The following HTR1E variants were observed in gnomAD, a reference collection of about 807,000 sequenced individuals.
HTR1E encodes the protein 5-HT-1E.
HTR1E carries 3 observed loss-of-function variants against 3.4 expected under a neutral mutation model. That is an observed-to-expected ratio of 0.89 (90% CI 0.41 to 2.31). The LOEUF is 2.31. Ranked by LOEUF, HTR1E falls within the 30% of genes most tolerant of loss-of-function variation. The pLI, the probability that HTR1E is intolerant of heterozygous loss-of-function variation, is 0.05. For synonymous variants in HTR1E, 170 were observed against 182.8 expected (o/e 0.93, Z 0.56); for missense variants, 392 against 467.0 (o/e 0.84, Z 1.48).
At chr6:86,950,769 G>C (rs1767227028) in intron 1 of HTR1E, among the ~76,000 whole-genome samples, 1 of 152,112 alleles carries the variant, frequency 6.6e-6, no homozygotes, top group Non-Finnish European at 1.5e-5. Flanking sequence ...GTCATTAGAT[G>C]AGTAAATTGG....
chr6:87,016,677 A>G lies in HTR1E; in HGVS notation c.*245A>G, dbSNP rs1768332139. On this transcript the variant is annotated 3_prime_UTR_variant, in exon 2 of 2. Transcript: ENST00000305344. ...TTCAAATAAACATTATCATACAAAA[A>G]CAGAAATTTTGTAGAAGTAATAATA... 1.1e-5 allele frequency: 4 copies of G among 353,136 alleles called. No homozygotes were observed. The Admixed American group carries it at 1.8e-4, about 16-fold the overall frequency. 21.9% of individuals were successfully genotyped at this position (353,136 alleles called of 1,614,324 possible). A position where few individuals can be genotyped will look rare whatever the true frequency, so the allele number is the denominator to read the frequency against.
intron 1 of HTR1E, among the ~76,000 whole-genome samples, chr6:87,014,250 A>G (rs1466723469): frequency 7.4e-6 from 1 of 135,776 alleles, no homozygotes; most frequent in Non-Finnish European, 1.6e-5. Flanking sequence ...CCTAGAACTT[A>G]AAGTATAATA....
intron 1 of HTR1E, among the ~76,000 whole-genome samples, chr6:87,010,103 T>G (rs1182600272): frequency 2.6e-5 from 3 of 113,982 alleles, no homozygotes; most frequent in South Asian, 3.2e-4. Flanking sequence ...CTGGCCGGGC[T>G]GAGGGGCTCC....
At chr6:87,009,861 G>A (rs1427813194) in intron 1 of HTR1E, among the ~76,000 whole-genome samples, 8 of 123,440 alleles carry the variant, frequency 6.5e-5, no homozygotes, top group African/African-American at 2.2e-4. Flanking sequence ...CCTCCCGGAC[G>A]GGGCGGCTGG....
chr6:86,959,596 G>T (rs943058332), intron 1 of HTR1E, among the ~76,000 whole-genome samples: 1 of 152,154 alleles, frequency 6.6e-6, no homozygotes, highest in African/African-American at 2.4e-5. Flanking sequence ...TGCCTAGCCA[G>T]GTTGAAACAC....
At chr6:86,938,205 T>C (rs1338397002) in intron 1 of HTR1E, among the ~76,000 whole-genome samples, 1 of 152,002 alleles carries the variant, frequency 6.6e-6, no homozygotes, top group Non-Finnish European at 1.5e-5. Flanking sequence ...AGGGAGGTGG[T>C]GTGCTCCAGG....
chr6:86,987,703 C>T (rs1249533883), intron 1 of HTR1E, among the ~76,000 whole-genome samples: 2 of 152,100 alleles, frequency 1.3e-5, no homozygotes, highest in Non-Finnish European at 2.9e-5. Flanking sequence ...AATTTATTTT[C>T]TCATAGTTCT....
chr6:86,967,155 T>G (rs1429362882), intron 1 of HTR1E, among the ~76,000 whole-genome samples: 4 of 152,178 alleles, frequency 2.6e-5, no homozygotes, highest in Non-Finnish European at 5.9e-5. Flanking sequence ...TTATTCCTTT[T>G]GATGCCCTTC....
chr6:86,986,104 T>C (rs1184626070), intron 1 of HTR1E, among the ~76,000 whole-genome samples: 1 of 152,214 alleles, frequency 6.6e-6, no homozygotes, highest in Non-Finnish European at 1.5e-5. Context: ...TCATTATCTA[T>C]TCTGTCAGTC....
At chr6:86,992,430 T>C (rs1457472423) in intron 1 of HTR1E, among the ~76,000 whole-genome samples, 2 of 152,224 alleles carry the variant, frequency 1.3e-5, no homozygotes, top group Non-Finnish European at 2.9e-5. Flanking sequence ...TCAAGCCTAC[T>C]ATGAATGTTT....
intron 1 of HTR1E, among the ~76,000 whole-genome samples, chr6:86,974,364 A>G (rs2094262): frequency 0.99 from 150,928 of 152,316 alleles, 74,802 homozygotes; most frequent in Middle Eastern, 1. Context: ...ATAGCAAAAG[A>G]ATCCTGTTCA....
chr6:87,011,288 C>T (rs187577354), intron 1 of HTR1E, among the ~76,000 whole-genome samples: 5 of 152,238 alleles, frequency 3.3e-5, no homozygotes, highest in Non-Finnish European at 7.4e-5. Flanking sequence ...AATGACTTAT[C>T]AAAGGGAAGT....
At chr6:87,008,684 A>G (rs1212913230) in intron 1 of HTR1E, among the ~76,000 whole-genome samples, 3 of 152,236 alleles carry the variant, frequency 2.0e-5, no homozygotes, top group Non-Finnish European at 4.4e-5. Flanking sequence ...CACTAATTTT[A>G]GAGTATAAAA....
chr6:86,971,836 G>C (rs945567123), intron 1 of HTR1E, among the ~76,000 whole-genome samples: 3 of 152,138 alleles, frequency 2.0e-5, no homozygotes, highest in African/African-American at 7.2e-5. Context: ...GGAATCCCCA[G>C]TGTCTATTAC....
chr6:87,002,524 T>A (rs960967623), intron 1 of HTR1E, among the ~76,000 whole-genome samples: 4 of 152,216 alleles, frequency 2.6e-5, no homozygotes, highest in African/African-American at 9.7e-5. Flanking sequence ...TTGGTCCATT[T>A]TACAGGGTGC....
intron 1 of HTR1E, among the ~76,000 whole-genome samples, chr6:87,004,940 C>T (rs1045937219): frequency 2.0e-5 from 3 of 151,966 alleles, no homozygotes; most frequent in Admixed American, 6.6e-5. Flanking sequence ...TTCTATATGC[C>T]ATCAGTGAAC....
chr6:87,001,035 TTTGC>T (rs1768016272), intron 1 of HTR1E, among the ~76,000 whole-genome samples: 1 of 152,212 alleles, frequency 6.6e-6, no homozygotes, highest in Admixed American at 6.5e-5. Context: ...TAGTTTTCTC[TTTGC>T]TTATTAGTTT....
Position 87,016,355 on chromosome 6 carries a change from C to A in HTR1E, c.1021C>A (p.Pro341Thr). 2.5e-6 allele frequency: 4 copies of A among 1,614,094 alleles called. No individual in the cohort carries two copies. Among genetic ancestry groups the A allele is most frequent in the Non-Finnish European group, 3.4e-6 (4 of 1,180,004 alleles). ...WLGYVNSLIN[P>T]LLYTSFNEDF... ...CGGTTATGTGAATTCTCTGATCAAC[C>A]CTCTGCTCTATACGAGTTTTAATGA... The change falls in exon 2 of 2, where the codon CCT (proline) becomes ACT (threonine). Residue 341 changes from proline (P) to threonine (T), a missense_variant. Physicochemically the swap from Pro to Thr is conservative, Grantham distance 38. Transcript: ENST00000305344.
intron 1 of HTR1E, among the ~76,000 whole-genome samples, chr6:87,008,338 T>C (rs967804791): frequency 1.3e-5 from 2 of 152,018 alleles, no homozygotes; most frequent in African/African-American, 4.8e-5. Flanking sequence ...GAAAGTAAAT[T>C]TAACAAACAG....
Sources: gnomAD v4.1 joint callset for allele counts (sites outside exome capture counted in the v4.1 genomes callset) on GRCh38, gnomAD v4.1.1 for gene constraint, MANE v1.5 for transcripts, NCBI Gene and HGNC (gene_info 2026-07-23, HGNC 2026-07-21) for gene names.